LRRC4C: variants seen among roughly 807,000 people sequenced by gnomAD.
LRRC4C encodes leucine-rich repeat-containing protein 4C.
LRRC4C carries 5 observed loss-of-function variants against 33.6 expected under a neutral mutation model. The observed-to-expected ratio is 0.15, with a 90% confidence interval of 0.08 to 0.31. LRRC4C has a LOEUF of 0.31. Ranked by LOEUF, LRRC4C falls within the 10% of genes least tolerant of loss-of-function variation. The pLI, the probability that LRRC4C is intolerant of heterozygous loss-of-function variation, is 1.00. For missense variants in LRRC4C, 560 were observed against 796.7 expected (o/e 0.70, Z 3.58); for synonymous variants, 329 against 302.0 (o/e 1.09, Z -0.93).
At chr11:40,285,249 G>T (rs140287832) in intron 4 of LRRC4C, among the ~76,000 whole-genome samples, 126 of 152,268 alleles carry the variant, frequency 8.3e-4, no homozygotes, top group African/African-American at 2.9e-3. Flanking sequence ...GACTCAAAGG[G>T]GGAAGCCCTC....
chr11:40,818,276 TCTA>T (rs1449978797), intron 2 of LRRC4C, among the ~76,000 whole-genome samples: 1 of 152,130 alleles, frequency 6.6e-6, no homozygotes, highest in African/African-American at 2.4e-5. Context: ...ACTGTAATTG[TCTA>T]CTTAGTGTTT....
At chr11:41,081,385 C>T (rs1939556831) in intron 1 of LRRC4C, among the ~76,000 whole-genome samples, 1 of 152,100 alleles carries the variant, frequency 6.6e-6, no homozygotes, top group Non-Finnish European at 1.5e-5. Context: ...ATAAAAAGGT[C>T]CCACAAAGAT....
At chr11:40,746,276 C>T (rs1948415548) in intron 2 of LRRC4C, among the ~76,000 whole-genome samples, 1 of 152,122 alleles carries the variant, frequency 6.6e-6, no homozygotes, top group Non-Finnish European at 1.5e-5. Flanking sequence ...GAAAGGAGCT[C>T]ACCCTGGTTC....
intron 2 of LRRC4C, among the ~76,000 whole-genome samples, chr11:40,901,507 T>A (rs1956197446): frequency 6.6e-6 from 1 of 152,128 alleles, no homozygotes; most frequent in Non-Finnish European, 1.5e-5. Context: ...GCATAATTAT[T>A]TGATATGGCA....
At chr11:40,217,631 T>G (rs1401650156) in intron 5 of LRRC4C, among the ~76,000 whole-genome samples, 1 of 152,152 alleles carries the variant, frequency 6.6e-6, no homozygotes, top group African/African-American at 2.4e-5. Flanking sequence ...AAAACAATAA[T>G]GTTAACAGTC....
At chr11:40,482,441 A>G (rs942865508) in intron 3 of LRRC4C, among the ~76,000 whole-genome samples, 3 of 152,108 alleles carry the variant, frequency 2.0e-5, no homozygotes, top group South Asian at 2.1e-4. Context: ...AGCTAATAGA[A>G]ACATCAATTA....
chr11:40,558,301 A>G (rs1427924682), intron 3 of LRRC4C, among the ~76,000 whole-genome samples: 15 of 152,164 alleles, frequency 9.9e-5, no homozygotes, highest in Admixed American at 9.8e-4. Context: ...AATTGGGCTG[A>G]TCCTATTTAT....
chr11:40,194,437 G>A (rs1361606090), intron 5 of LRRC4C, among the ~76,000 whole-genome samples: 2 of 152,092 alleles, frequency 1.3e-5, no homozygotes, highest in Non-Finnish European at 2.9e-5. Context: ...TGCCTTACAA[G>A]AGTTCCTGAA....
chr11:40,854,699 A>G (rs1016992575), intron 2 of LRRC4C, among the ~76,000 whole-genome samples: 3 of 151,266 alleles, frequency 2.0e-5, no homozygotes, highest in Non-Finnish European at 4.4e-5. Flanking sequence ...ATTAAACACA[A>G]ATATATTTAA....
chr11:40,633,304 C>T (rs1963624951), intron 3 of LRRC4C, among the ~76,000 whole-genome samples: 1 of 144,564 alleles, frequency 6.9e-6, no homozygotes, highest in African/African-American at 2.6e-5. Context: ...TGATTTAAAT[C>T]TTAGCTCAGC....
rs1001767893 is a variant in LRRC4C at position 40,944,978 on chromosome 11, G to A, written c.-495-11255C>T. ...TGCGTTTCTCCTCATTTTTCCTACT[G>A]TAATAGTCATGCTCTCCTAAGTGGT... On this transcript the variant is annotated intron_variant, in intron 1 of 6. Coordinates refer to ENST00000528697, the MANE Select transcript of LRRC4C (RefSeq NM_001258419.2). Among the ~76,000 whole-genome samples the A allele has an allele frequency of 4.1e-5, 6 of 146,524 alleles. No individual in the cohort carries two copies. In the South Asian group the frequency reaches 6.5e-4, roughly 16 times the overall value.
chr11:40,456,114 G>A (rs924819043), intron 3 of LRRC4C, among the ~76,000 whole-genome samples: 5 of 152,060 alleles, frequency 3.3e-5, no homozygotes, highest in African/African-American at 1.2e-4. Flanking sequence ...AATGGCAGAA[G>A]AAACCAATAT....
chr11:40,875,194 C>G (rs1954827313), intron 2 of LRRC4C, among the ~76,000 whole-genome samples: 1 of 152,036 alleles, frequency 6.6e-6, no homozygotes, highest in Non-Finnish European at 1.5e-5. Context: ...AAGATTATAG[C>G]TTTTCTTTAA....
chr11:40,377,181 C>T (rs535927375), intron 3 of LRRC4C, among the ~76,000 whole-genome samples: 6 of 152,050 alleles, frequency 3.9e-5, no homozygotes, highest in Non-Finnish European at 8.8e-5. Context: ...GCCAGTAATG[C>T]TGCATTTAAT....
intron 1 of LRRC4C, among the ~76,000 whole-genome samples, chr11:41,234,247 G>T (rs1947926013): frequency 6.6e-6 from 1 of 151,966 alleles, no homozygotes; most frequent in African/African-American, 2.4e-5. Flanking sequence ...ATTGACAAAT[G>T]AAATTGTGTA....
chr11:40,680,998 TG>T (rs1286646618), intron 2 of LRRC4C, among the ~76,000 whole-genome samples: 2 of 152,230 alleles, frequency 1.3e-5, no homozygotes, highest in Non-Finnish European at 2.9e-5. Context: ...GCTACATTAT[TG>T]GACAGCACAG....
At chr11:40,743,631 A>T (rs945921186) in intron 2 of LRRC4C, among the ~76,000 whole-genome samples, 10 of 152,130 alleles carry the variant, frequency 6.6e-5, no homozygotes, top group African/African-American at 2.4e-4. Context: ...GAGGGTCATT[A>T]TCTTTCTAAC....
At chr11:40,606,903 C>G (rs1308257888) in intron 3 of LRRC4C, among the ~76,000 whole-genome samples, 2 of 151,974 alleles carry the variant, frequency 1.3e-5, no homozygotes, top group African/African-American at 4.8e-5. Context: ...AACACAGAGA[C>G]ACGTTATAAC....
intron 3 of LRRC4C, among the ~76,000 whole-genome samples, chr11:40,524,994 G>T (rs571642875): frequency 2.8e-4 from 43 of 152,222 alleles, no homozygotes; most frequent in African/African-American, 9.9e-4. Flanking sequence ...ATTTAGCTTA[G>T]ATATAAAGAA....
Sources: gnomAD v4.1 joint callset for allele counts (sites outside exome capture counted in the v4.1 genomes callset) on GRCh38, gnomAD v4.1.1 for gene constraint, MANE v1.5 for transcripts, NCBI Gene and HGNC (gene_info 2026-07-23, HGNC 2026-07-21) for gene names.